RERE: variants seen among roughly 807,000 people sequenced by gnomAD.
The protein encoded by RERE is arginine-glutamic acid dipeptide repeats protein.
RERE carries 40 observed loss-of-function variants against 146.1 expected under a neutral mutation model. That is an observed-to-expected ratio of 0.27 (90% CI 0.21 to 0.36). RERE has a LOEUF of 0.36. Ranked by LOEUF, RERE falls within the 10% of genes least tolerant of loss-of-function variation. RERE has a pLI of 1.00. For synonymous variants in RERE, 1,003 were observed against 866.0 expected (o/e 1.16, Z -2.78); for missense variants, 1,933 against 2,138.7 (o/e 0.90, Z 1.90).
At chr1:8,736,867 A>C (rs1192543775) in intron 1 of RERE, among the ~76,000 whole-genome samples, 3 of 151,822 alleles carry the variant, frequency 2.0e-5, no homozygotes, top group African/African-American at 7.2e-5. Context: ...AAAAAAAAAA[A>C]AAAAAAAACT....
At chr1:8,374,386 A>C (rs1053557665) in intron 12 of RERE, among the ~76,000 whole-genome samples, 1 of 152,184 alleles carries the variant, frequency 6.6e-6, no homozygotes, top group African/African-American at 2.4e-5. Context: ...TTTTACCACT[A>C]CATTTACCAC....
At chr1:8,409,710 A>G (rs1643559678) in intron 12 of RERE, among the ~76,000 whole-genome samples, 1 of 152,368 alleles carries the variant, frequency 6.6e-6, no homozygotes, top group Admixed American at 6.5e-5. Context: ...TGCTATCTTA[A>G]TCTTTAGCCA....
intron 1 of RERE, among the ~76,000 whole-genome samples, chr1:8,692,650 G>A (rs904575659): frequency 6.6e-5 from 10 of 151,626 alleles, no homozygotes; most frequent in Non-Finnish European, 1.5e-4. Flanking sequence ...TATTCGGCCC[G>A]GTATACTTTA....
intron 1 of RERE, among the ~76,000 whole-genome samples, chr1:8,696,787 G>A (rs1019375010): frequency 1.3e-5 from 2 of 152,140 alleles, no homozygotes; most frequent in Non-Finnish European, 2.9e-5. Context: ...GCAGGCGCCT[G>A]TAGTCCCAGC....
intron 1 of RERE, among the ~76,000 whole-genome samples, chr1:8,682,560 A>G (rs74358245): frequency 6.6e-6 from 1 of 152,264 alleles, no homozygotes; most frequent in African/African-American, 2.4e-5. Flanking sequence ...TTATGAGTGT[A>G]TTTCTTGATT....
intron 2 of RERE, among the ~76,000 whole-genome samples, chr1:8,634,153 G>C (rs1241966064): frequency 1.3e-5 from 2 of 152,206 alleles, no homozygotes; most frequent in South Asian, 2.1e-4. Flanking sequence ...ACCAAGCCAT[G>C]CCCATCCTCA....
At chr1:8,403,484 G>A (rs944625676) in intron 12 of RERE, among the ~76,000 whole-genome samples, 1 of 143,754 alleles carries the variant, frequency 7.0e-6, no homozygotes, top group Non-Finnish European at 1.5e-5. Context: ...TCCTGTCTCA[G>A]CCTCCTGAAT....
At chr1:8,634,670 GGTTTTTGTTGTCATTGCT>G (rs1647074598) in intron 2 of RERE, among the ~76,000 whole-genome samples, 1 of 152,112 alleles carries the variant, frequency 6.6e-6, no homozygotes, top group Non-Finnish European at 1.5e-5. Context: ...TTTTCATTCG[GGTTTTTGTTGTCATTGCT>G]GTTGTTTGGG....
At chr1:8,385,686 C>A (rs1269962863) in intron 12 of RERE, among the ~76,000 whole-genome samples, 1 of 151,656 alleles carries the variant, frequency 6.6e-6, no homozygotes, top group Admixed American at 6.6e-5. Context: ...TGAAGGGAAG[C>A]CTTCTACCAA....
At chr1:8,542,060 G>A (rs1056861518) in intron 6 of RERE, among the ~76,000 whole-genome samples, 2 of 152,146 alleles carry the variant, frequency 1.3e-5, no homozygotes, top group African/African-American at 4.8e-5. Flanking sequence ...CTTAAGCAAT[G>A]TTTCCATGCA....
chr1:8,672,164 C>G (rs1369031589), intron 1 of RERE, among the ~76,000 whole-genome samples: 1 of 151,960 alleles, frequency 6.6e-6, no homozygotes, highest in African/African-American at 2.4e-5. Context: ...AATCTCACTC[C>G]GGAAATATAT....
intron 4 of RERE, among the ~76,000 whole-genome samples, chr1:8,601,017 C>CTTTTTTT (rs34455445): frequency 3.6e-4 from 34 of 95,062 alleles, no homozygotes; most frequent in African/African-American, 5.9e-4. Flanking sequence ...GTCTCCCAAA[C>CTTTTTTT]TTTTTTTTTT....
At chr1:8,392,431 CATCT>C (rs1252135876) in intron 12 of RERE, among the ~76,000 whole-genome samples, 1 of 152,190 alleles carries the variant, frequency 6.6e-6, no homozygotes, top group Admixed American at 6.5e-5. Flanking sequence ...TCTGTCTATC[CATCT>C]ATCTATCTAG....
chr1:8,528,807 C>G (rs2124360333), intron 7 of RERE, among the ~76,000 whole-genome samples: 1 of 152,092 alleles, frequency 6.6e-6, no homozygotes, highest in Non-Finnish European at 1.5e-5. Context: ...GAGAGTCAGA[C>G]AGCAAAGATG....
At chr1:8,400,354 G>T (rs1466064267) in intron 12 of RERE, among the ~76,000 whole-genome samples, 2 of 151,924 alleles carry the variant, frequency 1.3e-5, no homozygotes, top group African/African-American at 4.8e-5. Context: ...CTGGGCTCAA[G>T]CAATCCTCCC....
At chr1:8,604,455 T>C (rs1246353579) in intron 4 of RERE, among the ~76,000 whole-genome samples, 1 of 152,062 alleles carries the variant, frequency 6.6e-6, no homozygotes, top group Non-Finnish European at 1.5e-5. Context: ...CAGAGGCCTC[T>C]GAAAGGAGGG....
rs1037035552 is a variant in RERE, at chr1:8,392,928, T to C, written c.1285-26954A>G. On this transcript the variant is annotated intron_variant, in intron 12 of 22. Coordinates refer to ENST00000400908, the MANE Select transcript of RERE (RefSeq NM_001042681.2). ...GGCATTTTCAAGGGTTTCCATTTCA[T>C]AGAAAATGAAAGGATTCTAAACCAT... Among the ~76,000 whole-genome samples, 11 of 152,298 alleles carry C rather than the reference T, an allele frequency of 7.2e-5. No individual in the cohort carries two copies. In the South Asian group the frequency reaches 2.1e-3, roughly 29 times the overall value.
At chr1:8,655,459 G>A (rs1337018822) in intron 2 of RERE, among the ~76,000 whole-genome samples, 1 of 152,132 alleles carries the variant, frequency 6.6e-6, no homozygotes, top group Non-Finnish European at 1.5e-5. Context: ...ACCCGCCTCA[G>A]CCTCCCAAAG....
intron 1 of RERE, among the ~76,000 whole-genome samples, chr1:8,711,157 C>CAAAAAAAAAAAAAAAAA (rs57814312): frequency 1.5e-5 from 1 of 68,248 alleles, no homozygotes; most frequent in African/African-American, 6.2e-5. Context: ...ACTCTGTCTC[C>CAAAAAAAAAAAAAAAAA]AAAAAAAAAA....
Sources: gnomAD v4.1 joint callset for allele counts (sites outside exome capture counted in the v4.1 genomes callset) on GRCh38, gnomAD v4.1.1 for gene constraint, MANE v1.5 for transcripts, NCBI Gene and HGNC (gene_info 2026-07-23, HGNC 2026-07-21) for gene names.